TBC1D22A: variants seen among roughly 807,000 people sequenced by gnomAD.
TBC1D22A encodes TBC1 domain family member 22A.
TBC1D22A carries 38 observed loss-of-function variants against 60.2 expected under a neutral mutation model. That is an observed-to-expected ratio of 0.63 (90% CI 0.49 to 0.83). The LOEUF is 0.83. Ranked by LOEUF, TBC1D22A falls within the 40% of genes least tolerant of loss-of-function variation. The probability of loss-of-function intolerance (pLI) is 0.00; values close to 1 mark genes in which losing one functional copy is unlikely to be tolerated. For synonymous variants in TBC1D22A, 302 were observed against 281.7 expected (o/e 1.07, Z -0.72); for missense variants, 628 against 701.0 (o/e 0.90, Z 1.18).
intron 11 of TBC1D22A, among the ~76,000 whole-genome samples, chr22:47,041,122 G>T (rs575325967): frequency 7.7e-4 from 117 of 152,220 alleles, no homozygotes; most frequent in African/African-American, 2.8e-3. Context: ...ATTTATTTTT[G>T]GCAGGTGAGT....
At chr22:47,136,761 C>T (rs907884170) in intron 12 of TBC1D22A, among the ~76,000 whole-genome samples, 6 of 152,198 alleles carry the variant, frequency 3.9e-5, no homozygotes, top group Admixed American at 2.6e-4. Context: ...GGACAGTGGA[C>T]GTCACTGCCT....
At chr22:46,824,498 T>A (rs2085964684) in intron 4 of TBC1D22A, among the ~76,000 whole-genome samples, 1 of 152,064 alleles carries the variant, frequency 6.6e-6, no homozygotes, top group South Asian at 2.1e-4. Context: ...GGGAGGGGAA[T>A]CAGAGCTGCA....
intron 12 of TBC1D22A, among the ~76,000 whole-genome samples, chr22:47,132,973 G>A (rs1372458912): frequency 6.6e-6 from 1 of 152,256 alleles, no homozygotes; most frequent in Non-Finnish European, 1.5e-5. Context: ...TCACTTGGAT[G>A]TGAGCTCATG....
At chr22:47,120,394 G>T (rs1169324082) in intron 12 of TBC1D22A, among the ~76,000 whole-genome samples, 1 of 152,126 alleles carries the variant, frequency 6.6e-6, no homozygotes, top group African/African-American at 2.4e-5. Flanking sequence ...AAGGCTCCTT[G>T]TCCTCTCCCC....
At chr22:46,983,572 C>T (rs578150727) in intron 9 of TBC1D22A, among the ~76,000 whole-genome samples, 96 of 151,994 alleles carry the variant, frequency 6.3e-4, no homozygotes, top group South Asian at 1.7e-3. Context: ...ACAGGTTGAC[C>T]GTGTGTGGGT....
At chr22:47,080,156 TA>T (rs2064404853) in intron 11 of TBC1D22A, among the ~76,000 whole-genome samples, 1 of 82,428 alleles carries the variant, frequency 1.2e-5, no homozygotes, top group Non-Finnish European at 2.6e-5. Context: ...AGGGAGTAGA[TA>T]AACTAGTTAT....
At chr22:46,929,828 T>C (rs1042269902) in intron 8 of TBC1D22A, among the ~76,000 whole-genome samples, 1 of 152,176 alleles carries the variant, frequency 6.6e-6, no homozygotes, top group Non-Finnish European at 1.5e-5. Context: ...TAGAGTGTGC[T>C]AGTGTGGGAG....
intron 11 of TBC1D22A, among the ~76,000 whole-genome samples, chr22:47,053,494 C>T (rs1220622025): frequency 6.6e-6 from 1 of 152,222 alleles, no homozygotes; most frequent in Non-Finnish European, 1.5e-5. Flanking sequence ...AGTGCTGCTC[C>T]CCAGTGCCCT....
At chr22:46,860,910 C>T (rs921571603) in intron 4 of TBC1D22A, among the ~76,000 whole-genome samples, 8 of 152,224 alleles carry the variant, frequency 5.3e-5, no homozygotes, top group African/African-American at 1.4e-4. Flanking sequence ...GCTTCCACTT[C>T]CTTTGGGGGA....
chr22:46,829,819 G>A (rs1342145321), intron 4 of TBC1D22A, among the ~76,000 whole-genome samples: 3 of 152,138 alleles, frequency 2.0e-5, no homozygotes, highest in African/African-American at 4.8e-5. Context: ...TTTGGGGGCC[G>A]GAGGTTTGGA....
At chr22:46,988,088 AAAG>A (rs1180755176) in intron 9 of TBC1D22A, among the ~76,000 whole-genome samples, 2 of 152,206 alleles carry the variant, frequency 1.3e-5, no homozygotes, top group East Asian at 1.9e-4. Flanking sequence ...AGAAAAAAAA[AAAG>A]AAACCACTTT....
chr22:46,849,125 C>T (rs573732705), intron 4 of TBC1D22A, among the ~76,000 whole-genome samples: 6 of 152,174 alleles, frequency 3.9e-5, no homozygotes, highest in Non-Finnish European at 8.8e-5. Flanking sequence ...AGGCAGAGGG[C>T]GTGGTTGTGG....
Position 46,946,216 on chromosome 22 carries a change from C to T in TBC1D22A, c.1016-28074C>T, listed in dbSNP as rs574321622. ...GTAGGAGCTGCTGGCCTCATCCAGC[C>T]GGTGTGACAGTACCCGCTTGGGCCT... On this transcript the variant is annotated intron_variant, in intron 8 of 12. Coordinates refer to ENST00000337137, the MANE Select transcript of TBC1D22A (RefSeq NM_014346.5). 7.9e-5 allele frequency among the ~76,000 whole-genome samples: 12 copies of T among 152,332 alleles called. No individual in the cohort carries two copies. The South Asian group carries it at 2.1e-3, about 26-fold the overall frequency.
At chr22:47,057,787 A>G (rs1420906095) in intron 11 of TBC1D22A, among the ~76,000 whole-genome samples, 1 of 152,144 alleles carries the variant, frequency 6.6e-6, no homozygotes, top group African/African-American at 2.4e-5. Flanking sequence ...CCCTCCCATA[A>G]CACGTGGGGA....
In TBC1D22A at chr22:47,053,910, C is replaced by T. The variant is rs117289166; in HGVS notation, c.1329+16712C>T. Reference sequence around the variant, plus strand: ...AAGAAATGGAGTTGAACCAAGGACACGGGAATGCTCCAGAAGTGGTAGCTG... The same window carrying T: ...AAGAAATGGAGTTGAACCAAGGACATGGGAATGCTCCAGAAGTGGTAGCTG... On this transcript the variant is annotated intron_variant, in intron 11 of 12. Transcript: ENST00000337137. Among the ~76,000 whole-genome samples, 36 of 152,312 alleles carry T rather than the reference C, an allele frequency of 2.4e-4. 1 individual carries two copies. In the East Asian group the frequency reaches 6.8e-3, roughly 29 times the overall value.
At chr22:46,924,381 A>G (rs1003702141) in intron 8 of TBC1D22A, among the ~76,000 whole-genome samples, 1 of 152,214 alleles carries the variant, frequency 6.6e-6, no homozygotes, top group African/African-American at 2.4e-5. Context: ...TTGATTTTCT[A>G]TGTCATTTTC....
intron 11 of TBC1D22A, among the ~76,000 whole-genome samples, chr22:47,106,601 C>T (rs2065641433): frequency 1.3e-5 from 2 of 151,904 alleles, no homozygotes; most frequent in South Asian, 4.1e-4. Context: ...AACCAAAAGA[C>T]CCTAAAACCC....
At chr22:47,074,401 A>G (rs2064121110) in intron 11 of TBC1D22A, among the ~76,000 whole-genome samples, 2 of 152,220 alleles carry the variant, frequency 1.3e-5, no homozygotes, top group South Asian at 4.1e-4. Flanking sequence ...AAATGTCACC[A>G]TGACAACTGA....
intron 10 of TBC1D22A, among the ~76,000 whole-genome samples, chr22:47,018,630 C>T (rs1603021766): frequency 1.3e-5 from 2 of 152,122 alleles, no homozygotes; most frequent in Non-Finnish European, 2.9e-5. Flanking sequence ...TCGCTGAGCA[C>T]CATGAGGCAT....
Sources: gnomAD v4.1 joint callset for allele counts (sites outside exome capture counted in the v4.1 genomes callset) on GRCh38, gnomAD v4.1.1 for gene constraint, MANE v1.5 for transcripts, NCBI Gene and HGNC (gene_info 2026-07-23, HGNC 2026-07-21) for gene names.